Variants in GABRG1 observed in about 807,000 individuals in gnomAD.
GABRG1 encodes the protein gamma-aminobutyric acid type A receptor subunit gamma1, also known as gamma-aminobutyric acid receptor subunit gamma-1.
In GABRG1, 49 loss-of-function variants were observed where a neutral mutation model predicts 49.8. That is an observed-to-expected ratio of 0.98 (90% CI 0.78 to 1.25). The LOEUF is 1.25. GABRG1 is among the 50% of genes most tolerant of loss of function. GABRG1 has a pLI of 0.00. For missense variants in GABRG1, 552 were observed against 552.3 expected (o/e 1.00, Z 0.01); for synonymous variants, 232 against 185.1 (o/e 1.25, Z -2.06).
intron 3 of GABRG1, among the ~76,000 whole-genome samples, chr4:46,065,796 C>T (rs934543463): frequency 1.3e-5 from 2 of 152,088 alleles, no homozygotes; most frequent in Non-Finnish European, 2.9e-5. Context: ...AATCTCGGCT[C>T]ACCGCAAGCT....
chr4:46,075,350 T>C (rs1719289000), intron 3 of GABRG1, among the ~76,000 whole-genome samples: 2 of 152,116 alleles, frequency 1.3e-5, no homozygotes, highest in African/African-American at 4.8e-5. Flanking sequence ...TATTTTAAAA[T>C]TTTACTTAGA....
At chr4:46,075,182 C>T (rs1302903547) in intron 3 of GABRG1, among the ~76,000 whole-genome samples, 1 of 151,788 alleles carries the variant, frequency 6.6e-6, no homozygotes, top group Non-Finnish European at 1.5e-5. Flanking sequence ...TCCGTAAGTA[C>T]CATTGTTTAC....
chr4:46,106,251 T>G (rs149431284), intron 1 of GABRG1, among the ~76,000 whole-genome samples: 37 of 151,536 alleles, frequency 2.4e-4, no homozygotes, highest in Admixed American at 4.0e-4. Context: ...CCCGTTGGCA[T>G]AGCTAGAGAA....
chr4:46,064,585 C>A (rs1232689957), intron 4 of GABRG1, 62 bp from the exon 5 acceptor site: 6 of 818,220 alleles, frequency 7.3e-6, no homozygotes, highest in Non-Finnish European at 9.3e-6. Flanking sequence ...TAAAAATCTC[C>A]TGTCTCATTT....
At chr4:46,080,956 C>T (rs1000438281) in intron 3 of GABRG1, among the ~76,000 whole-genome samples, 1 of 151,686 alleles carries the variant, frequency 6.6e-6, no homozygotes, top group African/African-American at 2.4e-5. Context: ...ACCTATTACA[C>T]GTGTATATTA....
chr4:46,070,035 G>A (rs536059745), intron 3 of GABRG1, among the ~76,000 whole-genome samples: 23 of 152,012 alleles, frequency 1.5e-4, no homozygotes, highest in African/African-American at 4.3e-4. Context: ...AATAAAGAAT[G>A]CAAGCCATAT....
At chr4:46,046,587 G>C (rs909195542) in intron 8 of GABRG1, among the ~76,000 whole-genome samples, 2 of 152,060 alleles carry the variant, frequency 1.3e-5, no homozygotes, top group Non-Finnish European at 2.9e-5. Context: ...CTGAGAGGTA[G>C]ACAAATGTTT....
At position 46,123,877 on chromosome 4, in the gene GABRG1, G is replaced by A. The variant is rs140068403; in HGVS notation, c.37C>T (p.Leu13Phe). 70 of 1,613,652 alleles carry A rather than the reference G, an allele frequency of 4.3e-5. No homozygotes were observed. The African/African-American group carries it at 7.7e-4, about 18-fold the overall frequency. Residue 13 changes from leucine (L) to phenylalanine (F), a missense_variant, in exon 1 of 9, where the codon CTT (leucine) becomes TTT (phenylalanine). Coordinates refer to ENST00000295452, the MANE Select transcript of GABRG1 (RefSeq NM_173536.4). ...ACCCCTCTACTTTGACTCCGCAGAAGAAAAGGGGAGAAGAGAAAAGCTTTC... is the reference window on the plus strand; with the variant it reads ...ACCCCTCTACTTTGACTCCGCAGAAAAAAAGGGGAGAAGAGAAAAGCTTTC... Reference protein sequence around the residue: ...PLKAFLFSPFLLRSQSRGVRL... With the variant: ...PLKAFLFSPFFLRSQSRGVRL...
At position 46,077,380 on chromosome 4, in the gene GABRG1, T is replaced by C. The variant is rs79665497; in HGVS notation, c.321+6606A>G. On this transcript the variant is annotated intron_variant, in intron 3 of 8. Coordinates refer to ENST00000295452, the MANE Select transcript of GABRG1 (RefSeq NM_173536.4). ...AACATAATACTATAAAACAGTGAGG[T>C]TAATAAAGCATTGGGTAAAACTATG... Among the ~76,000 whole-genome samples, 177 of 151,804 alleles carry C rather than the reference T, an allele frequency of 1.2e-3. 2 individuals carry two copies. In the East Asian group the frequency reaches 0.029, roughly 25 times the overall value.
intron 3 of GABRG1, among the ~76,000 whole-genome samples, chr4:46,072,094 A>G (rs1472544929): frequency 6.6e-6 from 1 of 151,682 alleles, no homozygotes; most frequent in Non-Finnish European, 1.5e-5. Context: ...TTTTTACTGT[A>G]TTTTTCTATG....
At chr4:46,091,779 C>A (rs948584836) in intron 2 of GABRG1, among the ~76,000 whole-genome samples, 13 of 151,786 alleles carry the variant, frequency 8.6e-5, no homozygotes, top group Non-Finnish European at 1.3e-4. Context: ...AAATACAGGC[C>A]GAGAATTTCA....
intron 1 of GABRG1, among the ~76,000 whole-genome samples, chr4:46,122,796 T>G (rs1721127216): frequency 1.3e-5 from 2 of 152,138 alleles, no homozygotes; most frequent in African/African-American, 4.8e-5. Context: ...TTTTGAATTC[T>G]ATACAGAGTT....
chr4:46,101,137 T>A (rs1261417270), intron 1 of GABRG1, among the ~76,000 whole-genome samples: 1 of 151,534 alleles, frequency 6.6e-6, no homozygotes, highest in African/African-American at 2.4e-5. Context: ...GTATGATTTT[T>A]TAAAAATAAT....
chr4:46,059,449 C>T (rs1230425763), intron 5 of GABRG1, among the ~76,000 whole-genome samples: 11 of 151,816 alleles, frequency 7.2e-5, no homozygotes, highest in East Asian at 3.9e-4. Context: ...TGCAGTGGCA[C>T]GATCTTGGCT....
intron 1 of GABRG1, among the ~76,000 whole-genome samples, chr4:46,117,479 A>T (rs1720934377): frequency 6.7e-6 from 1 of 149,658 alleles, no homozygotes; most frequent in Non-Finnish European, 1.5e-5. Flanking sequence ...AATATATAGG[A>T]AATCTATATA....
Position 46,037,613 on chromosome 4 carries a change from TGTA to T in GABRG1, c.*3372_*3374del, listed in dbSNP as rs968634863. On this transcript the variant is annotated 3_prime_UTR_variant, in exon 9 of 9. Transcript: ENST00000295452. ...CTAAAACCAATGAAATAATTTCAAATGTAGTATTTTTTTACAGGAAATTTTGTA... is the reference window on the plus strand; with the variant it reads ...CTAAAACCAATGAAATAATTTCAAATGTATTTTTTTACAGGAAATTTTGTA... 6.6e-6 allele frequency: 1 copy of T among 151,750 alleles called. No homozygotes were observed. The allele number at this position is 151,750 out of a possible 1,614,324, so 9.4% of individuals were successfully genotyped here. A position where few individuals can be genotyped will look rare whatever the true frequency, so the allele number is the denominator to read the frequency against.
At chr4:46,051,340 C>A (rs1718210179) in intron 8 of GABRG1, 84 bp downstream of exon 8, 1 of 1,073,746 alleles carries the variant, frequency 9.3e-7, no homozygotes, top group Non-Finnish European at 1.3e-6. Flanking sequence ...GTCCCTATTT[C>A]TGTAAACAAA....
chr4:46,058,079 G>T, intron 7 of GABRG1, 138 bp downstream of exon 7: 2 of 622,012 alleles, frequency 3.2e-6, no homozygotes, highest in Non-Finnish European at 5.2e-6. Flanking sequence ...ACATGGTATT[G>T]TCCCTTAGTT....
At chr4:46,051,387 G>A in intron 8 of GABRG1, 37 bp downstream of exon 8, 1 of 1,434,612 alleles carries the variant, frequency 7.0e-7, no homozygotes, top group East Asian at 2.4e-5. Context: ...TAAGTAAGTT[G>A]AGGTTTATAA....
Sources: allele counts gnomAD v4.1 joint callset (sites outside exome capture counted in the v4.1 genomes callset), GRCh38; gene constraint gnomAD v4.1.1; transcripts MANE v1.5; gene names NCBI Gene and HGNC (gene_info 2026-07-23, HGNC 2026-07-21).